NMT1: variants seen among roughly 807,000 people sequenced by gnomAD.
NMT1 encodes the protein N-myristoyltransferase 1.
NMT1 carries 12 observed loss-of-function variants against 63.4 expected under a neutral mutation model. The ratio of observed to expected loss-of-function variants is 0.19; its 90% CI spans 0.12 to 0.31. NMT1 has a LOEUF of 0.31. Among genes scored for constraint, NMT1 ranks in the 10% least tolerant of loss-of-function variants. The pLI is 1.00. For synonymous variants in NMT1, 228 were observed against 234.3 expected (o/e 0.97, Z 0.25); for missense variants, 432 against 634.6 (o/e 0.68, Z 3.43).
intron 1 of NMT1, among the ~76,000 whole-genome samples, chr17:45,075,608 C>T (rs1011947274): frequency 2.0e-5 from 3 of 151,978 alleles, no homozygotes; most frequent in African/African-American, 4.8e-5. Context: ...GGTGAAACCC[C>T]GTCTCTACTA....
chr17:45,104,272 C>CT lies in NMT1; in HGVS notation c.1332+397dup. The CT allele has an allele frequency of 1.7e-6, 2 of 1,191,224 alleles. No individual in the cohort carries two copies. Among genetic ancestry groups the CT allele is most frequent in the African/African-American group, 3.2e-5 (2 of 63,016 alleles). The allele number at this position is 1,191,224 out of a possible 1,614,324, so 73.8% of individuals were successfully genotyped here. On this transcript the variant is annotated intron_variant, in intron 10 of 11. Transcript: ENST00000258960. This position sits in a 1 kb window ranked among gnomAD's most constrained non-coding sequence, Gnocchi z 4.2. ...TGCCAGTAGCGGATGGCGAGCCCGT[C>CT]TGTCAGTGCTTTGCTGTGGGTTCTG...
intron 6 of NMT1, among the ~76,000 whole-genome samples, chr17:45,097,829 A>G (rs1291653466): frequency 6.6e-6 from 1 of 152,158 alleles, no homozygotes; most frequent in Admixed American, 6.5e-5. Flanking sequence ...CTCATTTTTG[A>G]ACGCCTGTAC....
chr17:45,102,868 CTT>C lies in NMT1; in HGVS notation c.994-82_994-81del, dbSNP rs527709192. ...GCCGCCGAATGACCAGGGATTCTCTCTTGAGGGCCTGATCTGTCCTTGCCATG... is the reference window on the plus strand; with the variant it reads ...GCCGCCGAATGACCAGGGATTCTCTCGAGGGCCTGATCTGTCCTTGCCATG... On this transcript the variant is annotated intron_variant, in intron 8 of 11. Transcript: ENST00000258960. The C allele has an allele frequency of 5.1e-5, 69 of 1,347,770 alleles. No homozygotes were observed. In the African/African-American group the frequency reaches 8.8e-4, roughly 17 times the overall value. The allele number at this position is 1,347,770 out of a possible 1,614,324, so 83.5% of individuals were successfully genotyped here. A position where few individuals can be genotyped will look rare whatever the true frequency, so the allele number is the denominator to read the frequency against.
Position 45,099,490 on chromosome 17 carries a change from A to G in NMT1, c.970A>G (p.Met324Val), listed in dbSNP as rs2054147390. Residue 324 changes from methionine (M) to valine (V), a missense_variant, in exon 8 of 12, where the codon ATG becomes GTG. Met to Val is a conservative substitution (Grantham distance 21, BLOSUM62 1). Around this residue, in one of 4 missense-constraint regions of NMT1, gnomAD observed 295 missense variants for 489.7 expected, o/e 0.60. Transcript: ENST00000258960. ...CAGAAATATGACCATGCAGCGCACC[A>G]TGAAGCTCTACCGACTGCCAGAGGC... is the stretch of plus-strand genomic sequence containing the variant. ...LSRNMTMQRT[M>V]KLYRLPETPK... 3.1e-6 allele frequency: 5 copies of G among 1,613,978 alleles called. No homozygotes were observed. The East Asian group carries it at 1.1e-4, about 36-fold the overall frequency.
chr17:45,075,142 C>T (rs529226253), intron 1 of NMT1, among the ~76,000 whole-genome samples: 1 of 152,146 alleles, frequency 6.6e-6, no homozygotes, highest in Admixed American at 6.6e-5. Flanking sequence ...GAGCCATGAT[C>T]GTGCCACTGC....
intron 3 of NMT1, among the ~76,000 whole-genome samples, chr17:45,091,235 C>CACACACACACGT (rs1567868451): frequency 2.1e-5 from 3 of 145,626 alleles, no homozygotes; most frequent in Non-Finnish European, 4.6e-5. Flanking sequence ...CACACACACA[C>CACACACACACGT]ACGTCCCATA....
Position 45,104,093 on chromosome 17 carries a change from T to C in NMT1, c.1332+217T>C, listed in dbSNP as rs917224969. 7 of 1,463,604 alleles carry C rather than the reference T, an allele frequency of 4.8e-6. No homozygotes were observed. The African/African-American group carries it at 9.9e-5, about 21-fold the overall frequency. 90.7% of individuals were successfully genotyped at this position (1,463,604 alleles called of 1,614,324 possible). On this transcript the variant is annotated intron_variant, in intron 10 of 11. Coordinates refer to ENST00000258960, the MANE Select transcript of NMT1 (RefSeq NM_021079.5). This position sits in a 1 kb window ranked among gnomAD's most constrained non-coding sequence, Gnocchi z 4.2. ...AGTGAAGGCATTGAACTCCTCCTGA[T>C]TCATTTCAGTGAGTTTCGTTCTCAC...
At chr17:45,083,229 G>A (rs1462498587) in intron 2 of NMT1, among the ~76,000 whole-genome samples, 1 of 151,006 alleles carries the variant, frequency 6.6e-6, no homozygotes, top group Non-Finnish European at 1.5e-5. Context: ...TGAGACAGGA[G>A]AATCACTTGA....
intron 1 of NMT1, among the ~76,000 whole-genome samples, chr17:45,070,993 C>T (rs749423374): frequency 7.2e-5 from 11 of 152,314 alleles, no homozygotes; most frequent in Non-Finnish European, 1.6e-4. Context: ...CGCAGAAGTA[C>T]AGAGACTAGA....
chr17:45,086,291 A>T (rs1285800225), intron 2 of NMT1, among the ~76,000 whole-genome samples: 2 of 150,594 alleles, frequency 1.3e-5, no homozygotes, highest in Admixed American at 1.3e-4. Context: ...CGCCTGGCTA[A>T]TTTTTGTATT....
chr17:45,088,002 C>A (rs575688471), intron 3 of NMT1, among the ~76,000 whole-genome samples: 1 of 152,216 alleles, frequency 6.6e-6, no homozygotes, highest in Non-Finnish European at 1.5e-5. Flanking sequence ...GGATTTCTGT[C>A]CACTTTGAAA....
At chr17:45,071,775 A>G (rs142918985) in intron 1 of NMT1, among the ~76,000 whole-genome samples, 1 of 152,266 alleles carries the variant, frequency 6.6e-6, no homozygotes, top group East Asian at 1.9e-4. Flanking sequence ...GATGGAGTAC[A>G]GTGGCTATTC....
chr17:45,068,911 TGC>T (rs1471414789), intron 1 of NMT1, among the ~76,000 whole-genome samples: 1 of 152,032 alleles, frequency 6.6e-6, no homozygotes, highest in Non-Finnish European at 1.5e-5. Flanking sequence ...CCTCCCAAAG[TGC>T]TGGGATTATT....
rs2054126449 is a variant in NMT1, at chr17:45,096,609, C to G, written c.596+324C>G. ...AAAGAAAAGAAGGCACATTTTCTAT[C>G]TAGTTCCTGAGCATGCTCAGTTGTA... On this transcript the variant is annotated intron_variant, in intron 5 of 11. Coordinates refer to ENST00000258960, the MANE Select transcript of NMT1 (RefSeq NM_021079.5). 2.0e-5 allele frequency among the ~76,000 whole-genome samples: 3 copies of G among 152,246 alleles called. No homozygotes were observed. The South Asian group carries it at 6.2e-4, about 31-fold the overall frequency.
chr17:45,076,417 A>G (rs1430490783), intron 1 of NMT1, among the ~76,000 whole-genome samples: 1 of 151,520 alleles, frequency 6.6e-6, no homozygotes, highest in African/African-American at 2.4e-5. Context: ...ATGGGGCTCA[A>G]TACTTGGTAG....
intron 4 of NMT1, among the ~76,000 whole-genome samples, chr17:45,095,839 A>G (rs1488809259): frequency 6.6e-5 from 10 of 152,200 alleles, no homozygotes; most frequent in Admixed American, 1.3e-4. Flanking sequence ...GGGAAACAGC[A>G]GTGACTCTCC....
chr17:45,101,298 A>G (rs112435729), intron 8 of NMT1, among the ~76,000 whole-genome samples: 3,905 of 149,258 alleles, frequency 0.026, 82 homozygotes, highest in South Asian at 0.072. Flanking sequence ...GATTACAGGC[A>G]TGAGCCACTG....
At chr17:45,070,010 C>T (rs569007622) in intron 1 of NMT1, among the ~76,000 whole-genome samples, 2 of 152,186 alleles carry the variant, frequency 1.3e-5, no homozygotes, top group South Asian at 2.1e-4. Flanking sequence ...CAAAGTCTAA[C>T]TCGCCAAACA....
intron 1 of NMT1, among the ~76,000 whole-genome samples, chr17:45,067,747 A>G (rs1411486181): frequency 2.0e-5 from 3 of 152,242 alleles, no homozygotes; most frequent in Non-Finnish European, 2.9e-5. Flanking sequence ...CTGATATCAA[A>G]TAAGTGTTCT....
Sources: gnomAD v4.1 joint callset for allele counts (sites outside exome capture counted in the v4.1 genomes callset) on GRCh38, gnomAD v4.1.1 for gene constraint, gnomAD v4.1.1 regional missense constraint, Gnocchi (gnomAD v3.1) non-coding constraint, MANE v1.5 for transcripts, NCBI Gene and HGNC (gene_info 2026-07-23, HGNC 2026-07-21) for gene names.